KIF13A: variants seen among roughly 807,000 people sequenced by gnomAD.
The protein encoded by KIF13A is kinesin-like protein KIF13A.
In KIF13A, 79 loss-of-function variants were observed where a neutral mutation model predicts 212.2. The observed-to-expected ratio is 0.37, with a 90% CI of 0.31 to 0.45. The LOEUF is 0.45. KIF13A is among the 20% of genes least tolerant of loss of function. KIF13A has a pLI of 1.00. For synonymous variants in KIF13A, 789 were observed against 808.6 expected (o/e 0.98, Z 0.41); for missense variants, 1,901 against 2,209.0 (o/e 0.86, Z 2.79).
intron 2 of KIF13A, among the ~76,000 whole-genome samples, chr6:17,903,890 A>G (rs1773265171): frequency 6.6e-6 from 1 of 152,170 alleles, no homozygotes; most frequent in Non-Finnish European, 1.5e-5. Flanking sequence ...CTGTAACCCC[A>G]GTAATTTGGG....
At chr6:17,874,780 C>T (rs1445483801) in intron 3 of KIF13A, among the ~76,000 whole-genome samples, 2 of 151,718 alleles carry the variant, frequency 1.3e-5, no homozygotes, top group Non-Finnish European at 2.9e-5. Flanking sequence ...CCACTCTTCC[C>T]CTCAAATCCC....
intron 16 of KIF13A, chr6:17,821,715 A>G (rs1280744188): frequency 2.0e-6 from 3 of 1,497,298 alleles, no homozygotes; most frequent in East Asian, 4.9e-5. Flanking sequence ...AGCATGGAGC[A>G]TGAGCATCAA....
At chr6:17,847,102 C>T (rs1340199627) in intron 9 of KIF13A, among the ~76,000 whole-genome samples, 2 of 151,910 alleles carry the variant, frequency 1.3e-5, no homozygotes, top group East Asian at 3.8e-4. Flanking sequence ...AGTGGTCATT[C>T]CACATCTACG....
chr6:17,987,321 G>C lies in KIF13A; in HGVS notation c.55+88C>G. The stretch of plus-strand genomic sequence containing the variant: ...CCGCCCCGGCCCCCCGGCCCCGGCC[G>C]CGCTCTCGCCGTCCCGGCCCCGCAG... On this transcript the variant is annotated intron_variant, in intron 1 of 38. Coordinates refer to ENST00000259711, the MANE Select transcript of KIF13A (RefSeq NM_022113.6). This position sits in a 1 kb window ranked among gnomAD's most constrained non-coding sequence, Gnocchi z 7.7. 1 of 1,035,336 alleles carries C rather than the reference G, an allele frequency of 9.7e-7. No individual in the cohort carries two copies. The highest frequency in any genetic ancestry group is 2.1e-5 in the South Asian group (1 of 48,340). The allele number at this position is 1,035,336 out of a possible 1,614,324, so 64.1% of individuals were successfully genotyped here.
At position 17,804,345 on chromosome 6, in the gene KIF13A, G is replaced by C. The variant is rs533135756; in HGVS notation, c.2454+16C>G. 6.6e-7 allele frequency: 1 copy of C among 1,506,490 alleles called. No individual in the cohort carries two copies. The highest frequency in any genetic ancestry group is 1.4e-5 in the African/African-American group (1 of 71,808). The allele number at this position is 1,506,490 out of a possible 1,614,324, so 93.3% of individuals were successfully genotyped here. ...ACTTGAACCACCATCGTTCTCCAAG[G>C]CTGGCCTGTGCTTACCTCCCCCTGC... On this transcript the variant is annotated intron_variant, in intron 20 of 38. Coordinates refer to ENST00000259711, the MANE Select transcript of KIF13A (RefSeq NM_022113.6).
At position 17,779,001 on chromosome 6, in the gene KIF13A, G is replaced by A; in HGVS notation, c.4038C>T (p.Tyr1346=). ...TTTCCACCTGCAGCACGCCTCGAGT[G>A]TACTTCTCAATGTACGTCTCCCCAT... ...TSDGETYIEK[Y]TRGVLQVENI... Residue 1346 remains tyrosine, a synonymous_variant, in exon 33 of 39, where the codon TAC becomes TAT. Transcript: ENST00000259711. The A allele has an allele frequency of 1.2e-6, 2 of 1,613,284 alleles. No homozygotes were observed. The highest frequency in any genetic ancestry group is 1.7e-6 in the Non-Finnish European group (2 of 1,179,688).
intron 4 of KIF13A, among the ~76,000 whole-genome samples, chr6:17,866,935 TA>T (rs1769464179): frequency 2.0e-5 from 3 of 150,062 alleles, no homozygotes; most frequent in Admixed American, 6.7e-5. Flanking sequence ...AAAGCTCATT[TA>T]TTTTTTAACA....
At position 17,783,842 on chromosome 6, in the gene KIF13A, T is replaced by C; in HGVS notation, c.3489-141A>G. ...ACTAATGAAATACTTTCATATTTCTTGACTTCCCTGTAGACATAAATCATG... is the reference window on the plus strand; with the variant it reads ...ACTAATGAAATACTTTCATATTTCTCGACTTCCCTGTAGACATAAATCATG... On this transcript the variant is annotated intron_variant, in intron 28 of 38. Transcript: ENST00000259711. The surrounding 1 kb of genome is among the most constrained non-coding windows in gnomAD (Gnocchi z 4.3). 1 of 658,576 alleles carries C rather than the reference T, an allele frequency of 1.5e-6. No individual in the cohort carries two copies. Among genetic ancestry groups the C allele is most frequent in the Non-Finnish European group, 2.7e-6 (1 of 368,044 alleles). The allele number at this position is 658,576 out of a possible 1,614,324, so 40.8% of individuals were successfully genotyped here. A position where few individuals can be genotyped will look rare whatever the true frequency, so the allele number is the denominator to read the frequency against.
chr6:17,908,519 G>A (rs565432471), intron 2 of KIF13A, among the ~76,000 whole-genome samples: 3 of 152,194 alleles, frequency 2.0e-5, no homozygotes, highest in Non-Finnish European at 4.4e-5. Context: ...TGGGAGGATC[G>A]CTTGAGCCCG....
At position 17,837,608 on chromosome 6, in the gene KIF13A, G is replaced by A; in HGVS notation, c.831-25C>T. On this transcript the variant is annotated intron_variant, in intron 9 of 38. Transcript: ENST00000259711. The surrounding 1 kb of genome is among the most constrained non-coding windows in gnomAD (Gnocchi z 5.4). Reference sequence around the variant, plus strand: ...TCTGTCAAGAAAAAATGAAAAATTAGTTTTATGGAATGTTTATTTGGTTTA... The same window carrying A: ...TCTGTCAAGAAAAAATGAAAAATTAATTTTATGGAATGTTTATTTGGTTTA... 4.2e-6 allele frequency: 6 copies of A among 1,420,956 alleles called. No homozygotes were observed. The highest frequency in any genetic ancestry group is 5.9e-6 in the Non-Finnish European group (6 of 1,022,976). The allele number at this position is 1,420,956 out of a possible 1,614,324, so 88.0% of individuals were successfully genotyped here.
At chr6:17,901,081 C>CAAAAAAAA (rs34266366) in intron 2 of KIF13A, among the ~76,000 whole-genome samples, 1 of 70,284 alleles carries the variant, frequency 1.4e-5, no homozygotes, top group African/African-American at 5.0e-5. Flanking sequence ...GACTCTGTCT[C>CAAAAAAAA]AAAAAAAAAA....
chr6:17,796,913 A>G (rs1461881334), intron 22 of KIF13A, 93 bp from the exon 23 acceptor site: 3 of 721,032 alleles, frequency 4.2e-6, no homozygotes, highest in East Asian at 6.6e-5. Context: ...ATTTTAGAGT[A>G]TATTAGCCTG....
intron 12 of KIF13A, 115 bp from the exon 13 acceptor site, chr6:17,831,350 T>C: frequency 2.6e-6 from 3 of 1,140,558 alleles, no homozygotes; most frequent in Non-Finnish European, 3.8e-6. Flanking sequence ...GGATTACACA[T>C]GCTACTCTGC....
In KIF13A at chr6:17,968,445, A is replaced by G. The variant is rs1253409299; in HGVS notation, c.146+18609T>C. On this transcript the variant is annotated intron_variant, in intron 2 of 38. Transcript: ENST00000259711. This position sits in a 1 kb window ranked among gnomAD's most constrained non-coding sequence, Gnocchi z 4.7. ...ATGCCCAACTACATCAGGTTGGTGT[A>G]GGGTCCATTCATCCAGTCTGGGACC... Among the ~76,000 whole-genome samples the G allele has an allele frequency of 6.6e-6, 1 of 152,180 alleles. No homozygotes were observed. The highest frequency in any genetic ancestry group is 1.5e-5 in the Non-Finnish European group (1 of 68,018).
chr6:17,793,269 A>G (rs1236907786), intron 25 of KIF13A, among the ~76,000 whole-genome samples: 1 of 151,868 alleles, frequency 6.6e-6, no homozygotes, highest in African/African-American at 2.4e-5. Flanking sequence ...TTTAGTAGAG[A>G]CGGCGTTTTG....
chr6:17,770,056 C>G (rs1759352977), intron 38 of KIF13A, among the ~76,000 whole-genome samples: 1 of 152,162 alleles, frequency 6.6e-6, no homozygotes, highest in Non-Finnish European at 1.5e-5. Flanking sequence ...CCCAAGCACG[C>G]AGGTGGGTGG....
rs529363350 is a variant in KIF13A at position 17,777,679 on chromosome 6, C to T, written c.4093-325G>A. 2.6e-5 allele frequency among the ~76,000 whole-genome samples: 4 copies of T among 152,182 alleles called. No individual in the cohort carries two copies. Among genetic ancestry groups the T allele is most frequent in the East Asian group, 1.9e-4 (1 of 5,182 alleles). On this transcript the variant is annotated intron_variant, in intron 33 of 38. Coordinates refer to ENST00000259711, the MANE Select transcript of KIF13A (RefSeq NM_022113.6). This position sits in a 1 kb window ranked among gnomAD's most constrained non-coding sequence, Gnocchi z 4.4. ...GATTACAGGCGTGAGCCACCGCACC[C>T]GGCCATTACTTTATTTTTTATTCTA...
intron 3 of KIF13A, among the ~76,000 whole-genome samples, chr6:17,875,979 T>C (rs1770520804): frequency 6.6e-6 from 1 of 152,198 alleles, no homozygotes; most frequent in Admixed American, 6.5e-5. Flanking sequence ...CCAGAGACTT[T>C]TCAGAAATGA....
chr6:17,979,241 CCA>C, intron 2 of KIF13A, among the ~76,000 whole-genome samples: 1 of 152,216 alleles, frequency 6.6e-6, no homozygotes, highest in East Asian at 1.9e-4. Flanking sequence ...TGCAGTGAGT[CCA>C]GATTGTGCCA....
Sources: gnomAD v4.1 joint callset for allele counts (sites outside exome capture counted in the v4.1 genomes callset) on GRCh38, gnomAD v4.1.1 for gene constraint, Gnocchi (gnomAD v3.1) non-coding constraint, MANE v1.5 for transcripts, NCBI Gene and HGNC (gene_info 2026-07-23, HGNC 2026-07-21) for gene names.